The following IRF2 variants were observed in gnomAD, a reference collection of about 807,000 sequenced individuals.
IRF2 encodes the protein interferon regulatory factor 2.
IRF2 carries 15 observed loss-of-function variants against 40.6 expected under a neutral mutation model. The observed-to-expected ratio is 0.37, with a 90% CI of 0.25 to 0.57. IRF2 has a LOEUF of 0.57. Among genes scored for constraint, IRF2 ranks in the 20% least tolerant of loss-of-function variants. The probability of loss-of-function intolerance (pLI) is 0.77; values close to 1 mark genes in which losing one functional copy is unlikely to be tolerated. For missense variants in IRF2, 317 were observed against 455.7 expected, an observed-to-expected ratio of 0.70 and a Z score of 2.77; for synonymous variants, 151 against 165.5, an observed-to-expected ratio of 0.91 and a Z score of 0.67.
intron 1 of IRF2, among the ~76,000 whole-genome samples, chr4:184,440,330 C>T (rs1561114849): frequency 1.3e-5 from 2 of 152,252 alleles, no homozygotes. Flanking sequence ...CCCTTCAATC[C>T]ACTTCCACAT....
chr4:184,472,219 C>T (rs1228843499), intron 1 of IRF2: 1 of 152,176 alleles, frequency 6.6e-6, no homozygotes, highest in Non-Finnish European at 1.5e-5. Flanking sequence ...CCCCTTCTCC[C>T]ACTAAAAGAA....
chr4:184,406,876 G>A (rs1032518767), intron 6 of IRF2, among the ~76,000 whole-genome samples: 10 of 152,042 alleles, frequency 6.6e-5, no homozygotes, highest in Admixed American at 1.3e-4. Flanking sequence ...AACAATTCCC[G>A]AAAAAAGAAT....
chr4:184,428,585 C>T (rs1737753181), intron 2 of IRF2: 1 of 397,534 alleles, frequency 2.5e-6, no homozygotes, highest in Admixed American at 2.7e-5. Context: ...ATCACTTCAG[C>T]CCAGGAGTTC....
chr4:184,415,423 A>G (rs755314935), intron 5 of IRF2, among the ~76,000 whole-genome samples: 6 of 152,244 alleles, frequency 3.9e-5, no homozygotes, highest in African/African-American at 4.8e-5. Flanking sequence ...GCCTTCCACA[A>G]CTTGCTCATT....
At chr4:184,415,679 T>C (rs1486643139) in intron 5 of IRF2, among the ~76,000 whole-genome samples, 1 of 152,252 alleles carries the variant, frequency 6.6e-6, no homozygotes, top group Admixed American at 6.5e-5. Context: ...ATACAGTGGG[T>C]ACATGTGAGC....
intron 1 of IRF2, among the ~76,000 whole-genome samples, chr4:184,454,515 T>A (rs951052134): frequency 6.6e-6 from 1 of 152,228 alleles, no homozygotes; most frequent in Non-Finnish European, 1.5e-5. Context: ...CTCTGCAAGC[T>A]GCAGAACTGT....
At chr4:184,444,099 C>A (rs1738412941) in intron 1 of IRF2, among the ~76,000 whole-genome samples, 1 of 152,188 alleles carries the variant, frequency 6.6e-6, no homozygotes, top group Admixed American at 6.5e-5. Flanking sequence ...AGGGCAGAGA[C>A]CAGGGAAGAC....
chr4:184,423,589 T>C (rs1737560265), intron 2 of IRF2, among the ~76,000 whole-genome samples: 1 of 152,150 alleles, frequency 6.6e-6, no homozygotes, highest in Non-Finnish European at 1.5e-5. Context: ...TTCCCCTGCC[T>C]TAGTGCATGG....
intron 1 of IRF2, among the ~76,000 whole-genome samples, chr4:184,451,098 A>T (rs2149912983): frequency 6.6e-6 from 1 of 152,376 alleles, no homozygotes; most frequent in Admixed American, 6.5e-5. Flanking sequence ...TGAGAAGTTG[A>T]AAAGCACTGA....
At chr4:184,430,926 G>A (rs1218850502) in intron 1 of IRF2, among the ~76,000 whole-genome samples, 1 of 152,062 alleles carries the variant, frequency 6.6e-6, no homozygotes, top group East Asian at 1.9e-4. Context: ...AAATTCCTGG[G>A]CTCAAGCAGT....
intron 1 of IRF2, among the ~76,000 whole-genome samples, chr4:184,471,504 C>T (rs530527946): frequency 3.9e-5 from 6 of 152,286 alleles, no homozygotes; most frequent in African/African-American, 1.4e-4. Context: ...GGAACTATAA[C>T]CCAGATACTC....
chr4:184,463,090 C>A (rs955566824), intron 1 of IRF2, among the ~76,000 whole-genome samples: 1 of 152,220 alleles, frequency 6.6e-6, no homozygotes, highest in African/African-American at 2.4e-5. Context: ...TTCATCTCAT[C>A]AAGATGCAGA....
chr4:184,427,386 C>T (rs1242248179), intron 2 of IRF2, among the ~76,000 whole-genome samples: 1 of 152,286 alleles, frequency 6.6e-6, no homozygotes, highest in South Asian at 2.1e-4. Context: ...CTGGGCACTG[C>T]GGCTCATGCC....
chr4:184,417,841 A>AC (rs3214513), intron 5 of IRF2, among the ~76,000 whole-genome samples: 28,736 of 152,214 alleles, frequency 0.19, 3,203 homozygotes, highest in Non-Finnish European at 0.25. Flanking sequence ...ATAGTATGAG[A>AC]ATAAGCTGTT....
intron 1 of IRF2, among the ~76,000 whole-genome samples, chr4:184,463,604 T>C (rs1394315583): frequency 1.3e-5 from 2 of 152,206 alleles, no homozygotes; most frequent in Non-Finnish European, 2.9e-5. Context: ...AAATTAAAAC[T>C]ATACATGTGG....
rs758949670 is a variant in IRF2 at position 184,389,086 on chromosome 4, G to C, written c.742-20C>G. The C allele has an allele frequency of 1.1e-5, 17 of 1,610,548 alleles. No individual in the cohort carries two copies. The African/African-American group carries it at 1.9e-4, about 18-fold the overall frequency. ...CCGCCCCTTTCAAGAAAGTAATTAA[G>C]ATATGTATTTCCTTCTCCTTCTATT... On this transcript the variant is annotated intron_variant, in intron 8 of 8. Transcript: ENST00000393593.
At chr4:184,456,454 C>A (rs1420280265) in intron 1 of IRF2, among the ~76,000 whole-genome samples, 5 of 152,222 alleles carry the variant, frequency 3.3e-5, no homozygotes, top group Non-Finnish European at 7.3e-5. Context: ...GAAGAAGCTG[C>A]GCCACGGGGA....
intron 1 of IRF2, among the ~76,000 whole-genome samples, chr4:184,463,674 G>A (rs551250977): frequency 2.0e-5 from 3 of 151,578 alleles, no homozygotes; most frequent in African/African-American, 7.3e-5. Flanking sequence ...TTTTTGATGG[G>A]CTGTGGTACG....
chr4:184,437,834 A>G (rs1274636836), intron 1 of IRF2, among the ~76,000 whole-genome samples: 1 of 51,754 alleles, frequency 1.9e-5, no homozygotes, highest in African/African-American at 7.9e-5. Context: ...GAACGTACAA[A>G]AAAAAAAAAA....
Sources: allele counts gnomAD v4.1 joint callset (sites outside exome capture counted in the v4.1 genomes callset), GRCh38; gene constraint gnomAD v4.1.1; transcripts MANE v1.5; gene names NCBI Gene and HGNC (gene_info 2026-07-23, HGNC 2026-07-21).